The following MKLN1 variants were observed in gnomAD, a reference collection of about 807,000 sequenced individuals.
MKLN1 encodes the protein muskelin.
MKLN1 carries 18 observed loss-of-function variants against 99.0 expected under a neutral mutation model. That is an observed-to-expected ratio of 0.18 (90% confidence interval 0.13 to 0.27). The LOEUF is 0.27. MKLN1 is among the 10% of genes least tolerant of loss of function. MKLN1 has a pLI of 1.00. For missense variants in MKLN1, 621 were observed against 875.9 expected (o/e 0.71, Z 3.67); for synonymous variants, 288 against 293.2 (o/e 0.98, Z 0.18).
At position 131,235,023 on chromosome 7, in the gene MKLN1, G is replaced by T. The variant is rs188173991; in HGVS notation, c.-179+32049G>T. Among the ~76,000 whole-genome samples, 136 of 152,294 alleles carry T rather than the reference G, an allele frequency of 8.9e-4. 1 individual carries two copies. The highest frequency in any genetic ancestry group is 1.6e-3 in the Non-Finnish European group (106 of 68,020). ...CGTTTAAGGAACTCAAGAATCTAAA[G>T]AATCCATTCAGTCTTCCCTGGTTCG... is the stretch of plus-strand genomic sequence containing the variant. On this transcript the variant is annotated intron_variant, in intron 3 of 7. Transcript: ENST00000416992.
chr7:131,437,138 A>T (rs1484256390), intron 9 of MKLN1, among the ~76,000 whole-genome samples: 1 of 151,830 alleles, frequency 6.6e-6, no homozygotes, highest in Non-Finnish European at 1.5e-5. Context: ...GGTTTGATAG[A>T]TAGGTATACA....
At chr7:131,446,502 A>G (rs560276411) in intron 12 of MKLN1, among the ~76,000 whole-genome samples, 1 of 152,350 alleles carries the variant, frequency 6.6e-6, no homozygotes, top group Admixed American at 6.5e-5. Context: ...GAGTGGCTTT[A>G]ATTAAGGTGC....
chr7:131,332,134 C>T (rs1245355399), intron 1 of MKLN1, among the ~76,000 whole-genome samples: 3 of 151,814 alleles, frequency 2.0e-5, no homozygotes, highest in Non-Finnish European at 4.4e-5. Flanking sequence ...TTTAAAATTT[C>T]ACATTTAAAA....
chr7:131,415,196 AC>A (rs1358087536), intron 8 of MKLN1, among the ~76,000 whole-genome samples: 2 of 151,682 alleles, frequency 1.3e-5, no homozygotes, highest in African/African-American at 4.8e-5. Context: ...ACCTAGGAAA[AC>A]TTAATTACCA....
chr7:131,491,874 T>A lies in MKLN1; in HGVS notation c.*4146T>A, dbSNP rs1797432432. The A allele has an allele frequency of 6.6e-6, 1 of 152,616 alleles. No homozygotes were observed. Among genetic ancestry groups the A allele is most frequent in the South Asian group, 2.1e-4 (1 of 4,826 alleles). The allele number at this position is 152,616 out of a possible 1,614,324, so 9.5% of individuals were successfully genotyped here. A position where few individuals can be genotyped will look rare whatever the true frequency, so the allele number is the denominator to read the frequency against. ...TCTTCACTTTTTTTTAGCCCTAGACTTCCTAGATTTTCTGTGGCATTCTGT... is the reference window on the plus strand; with the variant it reads ...TCTTCACTTTTTTTTAGCCCTAGACATCCTAGATTTTCTGTGGCATTCTGT... On this transcript the variant is annotated 3_prime_UTR_variant, in exon 18 of 18. Transcript: ENST00000352689.
At chr7:131,179,961 T>C (rs150131006) in intron 2 of MKLN1, among the ~76,000 whole-genome samples, 2 of 152,246 alleles carry the variant, frequency 1.3e-5, no homozygotes, top group Non-Finnish European at 2.9e-5. Flanking sequence ...GGCACAACCA[T>C]AGCTCACAGC....
chr7:131,443,782 C>T, intron 11 of MKLN1, 80 bp downstream of exon 11: 1 of 1,085,930 alleles, frequency 9.2e-7, no homozygotes, highest in Non-Finnish European at 1.4e-6. Flanking sequence ...AAATCTAATT[C>T]TTTAGGAAGA....
At position 131,445,761 on chromosome 7, in the gene MKLN1, TC is replaced by T; in HGVS notation, c.1396-12del. The T allele has an allele frequency of 5.7e-6, 9 of 1,578,524 alleles. No homozygotes were observed. The highest frequency in any genetic ancestry group is 2.4e-5 in the South Asian group (2 of 84,178). ...TAAGTTACTCCTTTCTTTTTTTTTT[TC>T]TTCTTTTTCAGAAAAATCGTTGCTT... On this transcript the variant is annotated splice_polypyrimidine_tract_variant and intron_variant, in intron 11 of 17. Transcript: ENST00000352689.
rs377262712 is a variant in MKLN1, at chr7:131,315,001, A to G, written c.-178-60423A>G. Among the ~76,000 whole-genome samples the G allele has an allele frequency of 2.0e-3, 308 of 152,070 alleles. 11 individuals are homozygous for G. The South Asian group carries it at 0.062, about 30-fold the overall frequency. On this transcript the variant is annotated intron_variant, in intron 3 of 7. Coordinates refer to the MKLN1 transcript ENST00000416992. ...ACATTGACCAGGCCGGACTCAAGCA[A>G]TCCTCCCACTGTGGCCTCCCGAAGT...
chr7:131,297,664 G>T (rs996597898), intron 3 of MKLN1, among the ~76,000 whole-genome samples: 1 of 152,110 alleles, frequency 6.6e-6, no homozygotes, highest in African/African-American at 2.4e-5. Context: ...ATTGTGCCTT[G>T]GAACAACTTT....
chr7:131,201,078 G>A (rs764481927), intron 2 of MKLN1, among the ~76,000 whole-genome samples: 10 of 152,192 alleles, frequency 6.6e-5, no homozygotes, highest in Non-Finnish European at 1.0e-4. Flanking sequence ...GATGTACAGC[G>A]GTGCCATCTC....
At chr7:131,429,338 CA>C (rs1460428894) in intron 9 of MKLN1, among the ~76,000 whole-genome samples, 193 bp downstream of exon 9, 1 of 152,064 alleles carries the variant, frequency 6.6e-6, no homozygotes, top group Non-Finnish European at 1.5e-5. Context: ...GATACACAAC[CA>C]AATCTGTTTT....
At chr7:131,461,268 T>TA (rs1796507698) in intron 12 of MKLN1, among the ~76,000 whole-genome samples, 1 of 151,442 alleles carries the variant, frequency 6.6e-6, no homozygotes, top group African/African-American at 2.4e-5. Context: ...TTTTTTTTTT[T>TA]AATACTTTAA....
At chr7:131,178,906 TA>T (rs548439888) in intron 2 of MKLN1, among the ~76,000 whole-genome samples, 59 of 152,236 alleles carry the variant, frequency 3.9e-4, no homozygotes, top group Non-Finnish European at 7.1e-4. Context: ...TGGTAACTGA[TA>T]TTTTTTTATT....
intron 3 of MKLN1, among the ~76,000 whole-genome samples, chr7:131,234,562 G>A (rs1797288811): frequency 6.6e-6 from 1 of 152,088 alleles, no homozygotes; most frequent in Non-Finnish European, 1.5e-5. Context: ...CTTTTCTGGT[G>A]GTGTTCCCAA....
intron 1 of MKLN1, among the ~76,000 whole-genome samples, chr7:131,333,730 G>T (rs1799166704): frequency 6.6e-6 from 1 of 152,112 alleles, no homozygotes; most frequent in Non-Finnish European, 1.5e-5. Flanking sequence ...TAGAGACGGG[G>T]TTTCTCCGTG....
At chr7:131,117,214 G>A (rs373175693) in intron 1 of MKLN1, among the ~76,000 whole-genome samples, 14 of 152,032 alleles carry the variant, frequency 9.2e-5, no homozygotes, top group African/African-American at 1.7e-4. Flanking sequence ...GGCGGATCAC[G>A]AGGTCAGGAG....
intron 3 of MKLN1, among the ~76,000 whole-genome samples, chr7:131,259,338 G>T (rs1290532002): frequency 1.3e-5 from 2 of 152,046 alleles, no homozygotes; most frequent in Non-Finnish European, 2.9e-5. Flanking sequence ...CTCAGAAATG[G>T]AGACAGAATA....
At chr7:131,297,082 G>A (rs1798300880) in intron 3 of MKLN1, among the ~76,000 whole-genome samples, 1 of 152,086 alleles carries the variant, frequency 6.6e-6, no homozygotes, top group Non-Finnish European at 1.5e-5. Context: ...GCTGGGCGTG[G>A]TGGCTCACGC....
Sources: gnomAD v4.1 joint callset for allele counts (sites outside exome capture counted in the v4.1 genomes callset) on GRCh38, gnomAD v4.1.1 for gene constraint, MANE v1.5 for transcripts, NCBI Gene and HGNC (gene_info 2026-07-23, HGNC 2026-07-21) for gene names.